SLURP1: variants seen among roughly 807,000 people sequenced by gnomAD.
SLURP1 encodes secreted Ly-6/uPAR-related protein 1.
A neutral mutation model predicts 7.9 loss-of-function variants in SLURP1; 2 were observed. That is an observed-to-expected ratio of 0.25 (90% CI 0.10 to 0.79). SLURP1 has a LOEUF of 0.79. SLURP1 is among the 30% of genes least tolerant of loss of function. The probability of loss-of-function intolerance (pLI) is 0.69; values close to 1 mark genes in which losing one functional copy is unlikely to be tolerated. For missense variants in SLURP1, 111 were observed against 139.8 expected, an observed-to-expected ratio of 0.79 and a Z score of 1.04; for synonymous variants, 59 against 54.9, an observed-to-expected ratio of 1.07 and a Z score of -0.33.
Position 142,741,313 on chromosome 8 carries a change from T to C in SLURP1, c.179-37A>G. On this transcript the variant is annotated intron_variant, in intron 2 of 2. Transcript: ENST00000246515. This position sits in a 1 kb window ranked among gnomAD's most constrained non-coding sequence, Gnocchi z 4.3. Reference sequence around the variant, plus strand: ...GCCAGTGTCAGAACCCTCACTCCCCTGCAGCGCCTGCCTGCTGCTGCACTG... The same window carrying C: ...GCCAGTGTCAGAACCCTCACTCCCCCGCAGCGCCTGCCTGCTGCTGCACTG... 1 of 1,548,226 alleles carries C rather than the reference T, an allele frequency of 6.5e-7. No individual in the cohort carries two copies. The highest frequency in any genetic ancestry group is 8.7e-7 in the Non-Finnish European group (1 of 1,151,994).
chr8:142,742,358 GC>G lies in SLURP1; in HGVS notation c.27del (p.Leu10CysfsTer23), dbSNP rs1346350147. 8 of 1,613,006 alleles carry G rather than the reference GC, an allele frequency of 5.0e-6. No individual in the cohort carries two copies. The highest frequency in any genetic ancestry group is 1.7e-5 in the Admixed American group (1 of 60,022). MASRWAVQ[L>X]LLVAAWSMGC... is the part of the protein sequence containing the mutation. Reference sequence around the variant, plus strand: ...CCCATGCTCCAGGCTGCCACGAGCAGCAGCTGCACAGCCCAGCGAGAGGCCA... The same window carrying G: ...CCCATGCTCCAGGCTGCCACGAGCAGAGCTGCACAGCCCAGCGAGAGGCCA... On this transcript the variant is annotated frameshift_variant, in exon 1 of 3. Coordinates refer to ENST00000246515, the MANE Select transcript of SLURP1 (RefSeq NM_020427.3). LOFTEE classifies it high-confidence loss of function.
In SLURP1 at chr8:142,742,246, G is replaced by T. The variant is rs1049679571; in HGVS notation, c.58+82C>A. ...GCCTAAGGAGGCTCTCAGCCACAAAGCACCCCCAACAGCCCCATCCCCCTA... is the reference window on the plus strand; with the variant it reads ...GCCTAAGGAGGCTCTCAGCCACAAATCACCCCCAACAGCCCCATCCCCCTA... On this transcript the variant is annotated intron_variant, in intron 1 of 2. Transcript: ENST00000246515. 4.1e-6 allele frequency: 6 copies of T among 1,461,412 alleles called. No individual in the cohort carries two copies. In the East Asian group the frequency reaches 1.4e-4, roughly 33 times the overall value. The allele number at this position is 1,461,412 out of a possible 1,614,324, so 90.5% of individuals were successfully genotyped here. A position where few individuals can be genotyped will look rare whatever the true frequency, so the allele number is the denominator to read the frequency against.
Position 142,741,744 on chromosome 8 carries a change from C to G in SLURP1, c.178+59G>C. 3 of 1,601,180 alleles carry G rather than the reference C, an allele frequency of 1.9e-6. No individual in the cohort carries two copies. The highest frequency in any genetic ancestry group is 2.5e-6 in the Non-Finnish European group (3 of 1,179,604). ...GGAGCACCAGCAAAGGAGGGAGGCA[C>G]TTGGGGGAGGTGGCCCTGACTCCAG... On this transcript the variant is annotated intron_variant, in intron 2 of 2. Coordinates refer to ENST00000246515, the MANE Select transcript of SLURP1 (RefSeq NM_020427.3). This position sits in a 1 kb window ranked among gnomAD's most constrained non-coding sequence, Gnocchi z 4.3.
chr8:142,742,035 C>A, intron 1 of SLURP1, 113 bp from the exon 2 acceptor site: 1 of 1,522,862 alleles, frequency 6.6e-7, no homozygotes. Context: ...CCCCGGGCAG[C>A]CCTTCAAGGG....
In SLURP1 at chr8:142,741,486, G is replaced by A. The variant is rs983256783; in HGVS notation, c.179-210C>T. ...CTTGTCAGACCTCTGAAGTGCCTGC[G>A]CTGAGATGGGAGCCCGAGCCCAGAG... On this transcript the variant is annotated intron_variant, in intron 2 of 2. Transcript: ENST00000246515. This position sits in a 1 kb window ranked among gnomAD's most constrained non-coding sequence, Gnocchi z 4.3. 1.3e-5 allele frequency among the ~76,000 whole-genome samples: 2 copies of A among 152,152 alleles called. No homozygotes were observed. Among genetic ancestry groups the A allele is most frequent in the East Asian group, 1.9e-4 (1 of 5,182 alleles).
In SLURP1 at chr8:142,741,873, G is replaced by A; in HGVS notation, c.108C>T (p.Ser36=). Residue 36 remains serine (S), a synonymous_variant, in exon 2 of 3, where the codon TCC becomes TCT. Transcript: ENST00000246515. This position sits in a 1 kb window ranked among gnomAD's most constrained non-coding sequence, Gnocchi z 4.3. ...YTCKEPMTSA[S]CRTITRCKPE... ...GCTTGCAGCGGGTAATGGTCCTGCA[G>A]GAAGCACTGGTCATGGGCTCCTTGC... 1 of 1,613,342 alleles carries A rather than the reference G, an allele frequency of 6.2e-7. No individual in the cohort carries two copies. The highest frequency in any genetic ancestry group is 2.2e-5 in the East Asian group (1 of 44,880).
rs968088151 is a variant in SLURP1, at chr8:142,742,256, C to A, written c.58+72G>T. On this transcript the variant is annotated intron_variant, in intron 1 of 2. Transcript: ENST00000246515. ...GCTCTCAGCCACAAAGCACCCCCAA[C>A]AGCCCCATCCCCCTAGGAGGTGGGC... The A allele has an allele frequency of 1.1e-5, 17 of 1,514,850 alleles. No individual in the cohort carries two copies. The Admixed American group carries it at 2.7e-4, about 24-fold the overall frequency. The allele number at this position is 1,514,850 out of a possible 1,614,324, so 93.8% of individuals were successfully genotyped here. A position where few individuals can be genotyped will look rare whatever the true frequency, so the allele number is the denominator to read the frequency against.
intron 1 of SLURP1, among the ~76,000 whole-genome samples, 188 bp downstream of exon 1, chr8:142,742,140 C>G (rs75434262): frequency 0.045 from 6,886 of 152,288 alleles, 211 homozygotes; most frequent in Middle Eastern, 0.071. Flanking sequence ...CAGAGTGGAG[C>G]CGTGACCCCT....
chr8:142,741,766 C>A lies in SLURP1; in HGVS notation c.178+37G>T, dbSNP rs374683615. The A allele has an allele frequency of 1.2e-6, 2 of 1,605,396 alleles. No individual in the cohort carries two copies. Among genetic ancestry groups the A allele is most frequent in the Non-Finnish European group, 8.5e-7 (1 of 1,179,816 alleles). ...GCACTTGGGGGAGGTGGCCCTGACT[C>A]CAGTGCACCCAGGGCTGCCGTGGGG... On this transcript the variant is annotated intron_variant, in intron 2 of 2. Transcript: ENST00000246515. The surrounding 1 kb of genome is among the most constrained non-coding windows in gnomAD (Gnocchi z 4.3).
chr8:142,742,260 C>T (rs1258546415), intron 1 of SLURP1, 68 bp downstream of exon 1: 2 of 1,535,834 alleles, frequency 1.3e-6, no homozygotes, highest in Admixed American at 1.7e-5. Flanking sequence ...CCCCAACAGC[C>T]CCATCCCCCT....
In SLURP1 at chr8:142,742,347, T is replaced by C. The variant is rs1371228642; in HGVS notation, c.39A>G (p.Ala13=). 18 of 1,612,972 alleles carry C rather than the reference T, an allele frequency of 1.1e-5. No individual in the cohort carries two copies. Among genetic ancestry groups the C allele is most frequent in the Non-Finnish European group, 1.4e-5 (17 of 1,180,022 alleles). Residue 13 remains alanine (A), a synonymous_variant, in exon 1 of 3, where the codon GCA becomes GCG. Coordinates refer to ENST00000246515, the MANE Select transcript of SLURP1 (RefSeq NM_020427.3). ...ACTCACCACAGCCCATGCTCCAGGC[T>C]GCCACGAGCAGCAGCTGCACAGCCC... ...SRWAVQLLLV[A]AWSMGCGEAL...
chr8:142,741,723 C>T lies in SLURP1; in HGVS notation c.178+80G>A. The T allele has an allele frequency of 6.3e-7, 1 of 1,595,224 alleles. No homozygotes were observed. The highest frequency in any genetic ancestry group is 1.1e-5 in the South Asian group (1 of 90,482). On this transcript the variant is annotated intron_variant, in intron 2 of 2. Transcript: ENST00000246515. This position sits in a 1 kb window ranked among gnomAD's most constrained non-coding sequence, Gnocchi z 4.3. Reference sequence around the variant, plus strand: ...CTGCTGCCTTTTGGGCCGGGAGGAGCACCAGCAAAGGAGGGAGGCACTTGG... The same window carrying T: ...CTGCTGCCTTTTGGGCCGGGAGGAGTACCAGCAAAGGAGGGAGGCACTTGG...
At chr8:142,742,001 G>A (rs1815879610) in intron 1 of SLURP1, 79 bp from the exon 2 acceptor site, 8 of 1,589,066 alleles carry the variant, frequency 5.0e-6, no homozygotes, top group Admixed American at 1.7e-5. Flanking sequence ...GGGGCTGAAG[G>A]AGTCTCGCTG....
rs921327824 is a variant in SLURP1 at position 142,741,213 on chromosome 8, T to C, written c.242A>G (p.Asp81Gly). ...GTGGGCGGCCCCGATGCTGTCGGGG[T>C]CGGTGGCCACACAGGAGCTGGAGCA... ...RSCSSSCVAT[D>G]PDSIGAAHLI... The change falls in exon 3 of 3, where the codon GAC becomes GGC. Residue 81 changes from aspartate (D) to glycine (G), a missense_variant. Physicochemically the swap from Asp to Gly is moderately conservative, Grantham distance 94 (BLOSUM62 -1). Coordinates refer to ENST00000246515, the MANE Select transcript of SLURP1 (RefSeq NM_020427.3). This position sits in a 1 kb window ranked among gnomAD's most constrained non-coding sequence, Gnocchi z 4.3. The C allele has an allele frequency of 6.2e-7, 1 of 1,609,984 alleles. No homozygotes were observed. The highest frequency in any genetic ancestry group is 1.3e-5 in the African/African-American group (1 of 74,950).
At position 142,741,994 on chromosome 8, in the gene SLURP1, G is replaced by T. The variant is rs1460170922; in HGVS notation, c.59-72C>A. ...CTCATCCTGGAACCAGGAGGCAGGG[G>T]CTGAAGGAGTCTCGCTGACATCTTT... On this transcript the variant is annotated intron_variant, in intron 1 of 2. Coordinates refer to ENST00000246515, the MANE Select transcript of SLURP1 (RefSeq NM_020427.3). The surrounding 1 kb of genome is among the most constrained non-coding windows in gnomAD (Gnocchi z 4.3). 1 of 1,595,984 alleles carries T rather than the reference G, an allele frequency of 6.3e-7. No individual in the cohort carries two copies. Among genetic ancestry groups the T allele is most frequent in the African/African-American group, 1.3e-5 (1 of 74,844 alleles).
chr8:142,741,656 G>T lies in SLURP1; in HGVS notation c.178+147C>A. On this transcript the variant is annotated intron_variant, in intron 2 of 2. Coordinates refer to ENST00000246515, the MANE Select transcript of SLURP1 (RefSeq NM_020427.3). This position sits in a 1 kb window ranked among gnomAD's most constrained non-coding sequence, Gnocchi z 4.3. ...GGGGGCTGTGCCACCCTCGTGGAAG[G>T]CACCCCTGCCAAGGTGTGGCAGCCT... 1.5e-6 allele frequency: 2 copies of T among 1,325,878 alleles called. No individual in the cohort carries two copies. The highest frequency in any genetic ancestry group is 2.1e-6 in the Non-Finnish European group (2 of 953,262). 82.1% of individuals were successfully genotyped at this position (1,325,878 alleles called of 1,614,324 possible).
At position 142,741,890 on chromosome 8, in the gene SLURP1, G is replaced by A; in HGVS notation, c.91C>T (p.Pro31Ser). Residue 31 changes from proline to serine, a missense_variant, in exon 2 of 3, where the codon CCC becomes TCC. Pro to Ser is a moderately conservative substitution (Grantham distance 74, BLOSUM62 -1). Transcript: ENST00000246515. This position sits in a 1 kb window ranked among gnomAD's most constrained non-coding sequence, Gnocchi z 4.3. ...EALKCYTCKEPMTSASCRTIT... is the reference protein window; with the variant it reads ...EALKCYTCKESMTSASCRTIT... ...GTCCTGCAGGAAGCACTGGTCATGG[G>A]CTCCTTGCAGGTGTAGCACTTGAGG... 6.2e-7 allele frequency: 1 copy of A among 1,613,010 alleles called. No individual in the cohort carries two copies. The highest frequency in any genetic ancestry group is 8.5e-7 in the Non-Finnish European group (1 of 1,179,986).
intron 1 of SLURP1, 125 bp from the exon 2 acceptor site, chr8:142,742,047 C>A (rs1254021197): frequency 4.8e-6 from 7 of 1,463,208 alleles, no homozygotes; most frequent in Admixed American, 3.9e-5. Flanking sequence ...CTTCAAGGGG[C>A]CTCTCTGGCA....
chr8:142,741,989 C>A lies in SLURP1; in HGVS notation c.59-67G>T. ...GTGGCCTCATCCTGGAACCAGGAGG[C>A]AGGGGCTGAAGGAGTCTCGCTGACA... is the stretch of plus-strand genomic sequence containing the variant. On this transcript the variant is annotated intron_variant, in intron 1 of 2. Transcript: ENST00000246515. This position sits in a 1 kb window ranked among gnomAD's most constrained non-coding sequence, Gnocchi z 4.3. 1 of 1,598,878 alleles carries A rather than the reference C, an allele frequency of 6.3e-7. No individual in the cohort carries two copies. Among genetic ancestry groups the A allele is most frequent in the Non-Finnish European group, 8.5e-7 (1 of 1,178,256 alleles).
Sources: gnomAD v4.1 joint callset for allele counts (sites outside exome capture counted in the v4.1 genomes callset) on GRCh38, gnomAD v4.1.1 for gene constraint, Gnocchi (gnomAD v3.1) non-coding constraint, MANE v1.5 for transcripts, NCBI Gene and HGNC (gene_info 2026-07-23, HGNC 2026-07-21) for gene names.